Variants in COL25A1 observed in about 807,000 individuals in gnomAD.
COL25A1 encodes collagen alpha-1(XXV) chain.
A neutral mutation model predicts 128.4 loss-of-function variants in COL25A1; 103 were observed. The observed-to-expected ratio is 0.80, with a 90% CI of 0.68 to 0.94. The LOEUF is 0.94. Ranked by LOEUF, COL25A1 falls within the 40% of genes least tolerant of loss-of-function variation. The probability of loss-of-function intolerance (pLI) is 0.00; values close to 1 mark genes in which losing one functional copy is unlikely to be tolerated. For synonymous variants in COL25A1, 279 were observed against 277.2 expected (o/e 1.01, Z -0.06); for missense variants, 745 against 840.0 (o/e 0.89, Z 1.40).
chr4:108,951,391 T>G (rs960652608), intron 8 of COL25A1, among the ~76,000 whole-genome samples: 1 of 142,162 alleles, frequency 7.0e-6, no homozygotes, highest in Admixed American at 7.1e-5. Context: ...TTTTTTTTTC[T>G]TTTTTTTTTT....
chr4:108,966,043 C>T (rs1483483410), intron 8 of COL25A1, among the ~76,000 whole-genome samples: 1 of 152,054 alleles, frequency 6.6e-6, no homozygotes, highest in Admixed American at 6.6e-5. Context: ...CGAATAGGTG[C>T]TATTGAGTTG....
intron 8 of COL25A1, among the ~76,000 whole-genome samples, chr4:108,949,702 T>A (rs1037949695): frequency 1.8e-4 from 27 of 152,012 alleles, no homozygotes; most frequent in Non-Finnish European, 3.5e-4. Context: ...CCTGCTAATT[T>A]TTTTTTGCAT....
intron 3 of COL25A1, among the ~76,000 whole-genome samples, chr4:109,208,831 T>C (rs1777252653): frequency 6.6e-6 from 1 of 152,190 alleles, no homozygotes; most frequent in African/African-American, 2.4e-5. Flanking sequence ...CAAAGTGCCC[T>C]GAAGAGGATC....
rs76393616 is a variant in COL25A1 at position 108,881,901 on chromosome 4, T to C, written c.1020+2277A>G. On this transcript the variant is annotated intron_variant, in intron 19 of 37. Coordinates refer to ENST00000399132, the MANE Select transcript of COL25A1 (RefSeq NM_198721.4). ...AGATTTAAATCAAATACCAGATAGT[T>C]ACCCAACAGTACTTGATAATTATGT... Among the ~76,000 whole-genome samples the C allele has an allele frequency of 4.5e-3, 692 of 152,300 alleles. 13 individuals are homozygous for C. The East Asian group carries it at 0.061, about 13-fold the overall frequency.
At chr4:109,083,448 A>AAATTTT (rs377354398) in intron 3 of COL25A1, among the ~76,000 whole-genome samples, 43 of 77,054 alleles carry the variant, frequency 5.6e-4, no homozygotes, top group East Asian at 1.1e-3. Flanking sequence ...CACTAAATAA[A>AAATTTT]TTTTTTTTTT....
intron 3 of COL25A1, among the ~76,000 whole-genome samples, chr4:109,280,208 T>C (rs576919052): frequency 6.6e-6 from 1 of 152,212 alleles, no homozygotes; most frequent in Non-Finnish European, 1.5e-5. Context: ...TTACTATATG[T>C]TCAGAAGAAG....
At chr4:109,036,476 A>G (rs1050203321) in intron 5 of COL25A1, among the ~76,000 whole-genome samples, 7 of 152,334 alleles carry the variant, frequency 4.6e-5, no homozygotes, top group African/African-American at 1.7e-4. Context: ...AGCTTTCCAG[A>G]CATGAAGATT....
At chr4:108,847,526 T>C (rs1395204759) in intron 27 of COL25A1, among the ~76,000 whole-genome samples, 1 of 151,822 alleles carries the variant, frequency 6.6e-6, no homozygotes, top group Non-Finnish European at 1.5e-5. Context: ...AGGGATCTAG[T>C]GATGGCAGCA....
At chr4:109,230,353 T>C (rs1474220304) in intron 3 of COL25A1, among the ~76,000 whole-genome samples, 7 of 152,192 alleles carry the variant, frequency 4.6e-5, no homozygotes, top group Non-Finnish European at 1.0e-4. Context: ...GAGCAGCATT[T>C]TCTAAGGTCC....
chr4:108,974,625 C>T (rs1330684261), intron 6 of COL25A1, 66 bp from the exon 7 acceptor site: 7 of 1,285,770 alleles, frequency 5.4e-6, no homozygotes, highest in South Asian at 2.8e-5. Flanking sequence ...ATAGATCAGC[C>T]AGGTTAGTTG....
At chr4:108,897,151 T>A (rs1442103404) in intron 15 of COL25A1, among the ~76,000 whole-genome samples, 1 of 152,160 alleles carries the variant, frequency 6.6e-6, no homozygotes, top group Non-Finnish European at 1.5e-5. Context: ...AATCCTGTCC[T>A]GTCTTCAAGC....
At chr4:109,297,338 G>T (rs1725071058) in intron 3 of COL25A1, among the ~76,000 whole-genome samples, 1 of 151,924 alleles carries the variant, frequency 6.6e-6, no homozygotes, top group South Asian at 2.1e-4. Context: ...AAATTGAAAA[G>T]GAGTCACATA....
chr4:109,109,300 TC>T (rs769405472), intron 3 of COL25A1, among the ~76,000 whole-genome samples: 1 of 152,196 alleles, frequency 6.6e-6, no homozygotes, highest in Non-Finnish European at 1.5e-5. Context: ...TCGGAATTTC[TC>T]CTTGACTTCT....
At chr4:109,200,352 C>A (rs1179160176) in intron 3 of COL25A1, among the ~76,000 whole-genome samples, 1 of 152,140 alleles carries the variant, frequency 6.6e-6, no homozygotes, top group Non-Finnish European at 1.5e-5. Flanking sequence ...TGCATTCTGG[C>A]AATTTTATCA....
At position 109,142,489 on chromosome 4, in the gene COL25A1, G is replaced by A. The variant is rs531838504; in HGVS notation, c.368-92310C>T. Among the ~76,000 whole-genome samples the A allele has an allele frequency of 2.2e-3, 332 of 151,878 alleles. 11 individuals carry two copies. The South Asian group carries it at 0.066, about 30-fold the overall frequency. On this transcript the variant is annotated intron_variant, in intron 3 of 37. Transcript: ENST00000399132. ...AATATCCTTGTTAATTTTCTGTCTC[G>A]TTAATCTAATATTGACAGTGGGGTG...
At chr4:108,906,276 C>A (rs1743515358) in intron 13 of COL25A1, among the ~76,000 whole-genome samples, 1 of 152,146 alleles carries the variant, frequency 6.6e-6, no homozygotes, top group Admixed American at 6.5e-5. Flanking sequence ...GGAAAGCAGC[C>A]ACCTGCCCAG....
chr4:109,301,088 C>A (rs1487722422), intron 2 of COL25A1, among the ~76,000 whole-genome samples: 1 of 151,858 alleles, frequency 6.6e-6, no homozygotes, highest in East Asian at 1.9e-4. Context: ...TTCCAGAAAA[C>A]CCCCTTACTC....
At chr4:109,112,273 T>G (rs1767098832) in intron 3 of COL25A1, among the ~76,000 whole-genome samples, 1 of 152,156 alleles carries the variant, frequency 6.6e-6, no homozygotes, top group Non-Finnish European at 1.5e-5. Flanking sequence ...CCCAACATTC[T>G]GAGGTGATTT....
At chr4:109,055,068 G>A (rs1360296628) in intron 3 of COL25A1, among the ~76,000 whole-genome samples, 1 of 152,164 alleles carries the variant, frequency 6.6e-6, no homozygotes, top group Non-Finnish European at 1.5e-5. Flanking sequence ...AGCAGGCACA[G>A]ATTAATTTCA....
Sources: allele counts gnomAD v4.1 joint callset (sites outside exome capture counted in the v4.1 genomes callset), GRCh38; gene constraint gnomAD v4.1.1; transcripts MANE v1.5; gene names NCBI Gene and HGNC (gene_info 2026-07-23, HGNC 2026-07-21).